Variants in ADGRV1 observed in about 807,000 individuals in gnomAD.
ADGRV1 encodes G-protein coupled receptor 98.
A neutral mutation model predicts 596.2 loss-of-function variants in ADGRV1; 359 were observed. The observed-to-expected ratio is 0.60, with a 90% CI of 0.55 to 0.66. The LOEUF is 0.66. ADGRV1 is among the 30% of genes least tolerant of loss of function. The pLI, the probability that ADGRV1 is intolerant of heterozygous loss-of-function variation, is 0.00. For synonymous variants in ADGRV1, 2,681 were observed against 2,679.2 expected (o/e 1.00, Z -0.02); for missense variants, 7,274 against 7,575.6 (o/e 0.96, Z 1.48).
intron 50 of ADGRV1, among the ~76,000 whole-genome samples, chr5:90,738,025 C>G (rs149742204): frequency 7.4e-4 from 113 of 151,738 alleles, no homozygotes; most frequent in Middle Eastern, 6.8e-3. Flanking sequence ...TGCTGTTTTC[C>G]TTTGTGGCTT....
Position 90,684,134 on chromosome 5 carries a change from C to T in ADGRV1, c.6213C>T (p.Ser2071=), listed in dbSNP as rs768200716. The T allele has an allele frequency of 5.0e-6, 8 of 1,613,600 alleles. No homozygotes were observed. The highest frequency in any genetic ancestry group is 4.0e-5 in the African/African-American group (3 of 74,860). ...SILDDDEPER[S]ESVFIELLNS... is the part of the protein sequence containing the mutation. ...TGGATGATGATGAGCCAGAAAGGTC[C>T]GAATCTGTCTTTATCGAACTACTCA... Residue 2071 remains serine (S), a synonymous_variant, in exon 28 of 90, where the codon TCC becomes TCT. Coordinates refer to ENST00000405460, the MANE Select transcript of ADGRV1 (RefSeq NM_032119.4).
Position 90,815,732 on chromosome 5 carries a change from A to C in ADGRV1, c.16192A>C (p.Asn5398His). ...GCACCTTATTGTCACAAGACAGCCA[A>C]ACAGGTATGTGTATATATAGTATAT... ...RLHLIVTRQP[N>H]RAFEDVKVFW... Residue 5398 changes from asparagine (N) to histidine (H), a missense_variant, in exon 75 of 90, where the codon AAC becomes CAC. Physicochemically the swap from Asn to His is moderately conservative, Grantham distance 68. This residue lies in a region of ADGRV1 where 1,874 missense variants were observed against 1,970.2 expected (regional missense o/e 0.95). Transcript: ENST00000405460. 1 of 1,485,358 alleles carries C rather than the reference A, an allele frequency of 6.7e-7. No homozygotes were observed. The highest frequency in any genetic ancestry group is 9.2e-7 in the Non-Finnish European group (1 of 1,082,444). 92.0% of individuals were successfully genotyped at this position (1,485,358 alleles called of 1,614,324 possible).
intron 87 of ADGRV1, among the ~76,000 whole-genome samples, 175 bp from the exon 88 acceptor site, chr5:91,149,855 A>G (rs908226803): frequency 6.7e-6 from 1 of 148,694 alleles, no homozygotes; most frequent in African/African-American, 2.5e-5. Flanking sequence ...AAAAAGAGAA[A>G]GAAAAAAAGA....
In ADGRV1 at chr5:90,852,382, T is replaced by C. The variant is rs186582726; in HGVS notation, c.17205-902T>C. On this transcript the variant is annotated intron_variant, in intron 79 of 89. Coordinates refer to ENST00000405460, the MANE Select transcript of ADGRV1 (RefSeq NM_032119.4). ...CATACTCTACATCTATTGTGACATA[T>C]ATAACTTTTAACATTTAATGCATAA... Among the ~76,000 whole-genome samples the C allele has an allele frequency of 9.1e-4, 138 of 152,326 alleles. 1 individual carries two copies. The highest frequency in any genetic ancestry group is 3.1e-3 in the African/African-American group (127 of 41,574).
chr5:91,163,917 C>T lies in ADGRV1; in HGVS notation c.*17C>T, dbSNP rs767529084. 3.3e-5 allele frequency: 37 copies of T among 1,130,070 alleles called. No homozygotes were observed. Among genetic ancestry groups the T allele is most frequent in the Admixed American group, 7.1e-5 (4 of 56,090 alleles). The allele number at this position is 1,130,070 out of a possible 1,614,324, so 70.0% of individuals were successfully genotyped here. A position where few individuals can be genotyped will look rare whatever the true frequency, so the allele number is the denominator to read the frequency against. On this transcript the variant is annotated 3_prime_UTR_variant, in exon 90 of 90. Transcript: ENST00000405460. ...CACCTGTAGCACCTCACTAACCATT[C>T]GACTGAGCACACTTTCATATTTGTA...
At chr5:90,997,073 T>C (rs1781478156) in intron 85 of ADGRV1, among the ~76,000 whole-genome samples, 2 of 152,188 alleles carry the variant, frequency 1.3e-5, no homozygotes, top group Non-Finnish European at 2.9e-5. Context: ...CTTGAACTTT[T>C]GAGTTAATGC....
In ADGRV1 at chr5:90,674,044, A is replaced by G. The variant is rs754917963; in HGVS notation, c.4930-10A>G. On this transcript the variant is annotated splice_polypyrimidine_tract_variant and intron_variant, in intron 22 of 89. Coordinates refer to ENST00000405460, the MANE Select transcript of ADGRV1 (RefSeq NM_032119.4). ...CATTGCTTAGTGCCTCTGGATATTT[A>G]TATTTTTAGGTTCTGAATATATATG... 4 of 1,592,592 alleles carry G rather than the reference A, an allele frequency of 2.5e-6. No homozygotes were observed. Among genetic ancestry groups the G allele is most frequent in the Non-Finnish European group, 3.4e-6 (4 of 1,164,408 alleles).
intron 21 of ADGRV1, among the ~76,000 whole-genome samples, chr5:90,659,951 G>A (rs1006905165): frequency 2.9e-4 from 44 of 151,994 alleles, no homozygotes; most frequent in Admixed American, 2.9e-3. Context: ...AGAATGGTGT[G>A]AACCCAGGAG....
chr5:90,684,596 G>A (rs956096519), intron 28 of ADGRV1, among the ~76,000 whole-genome samples: 1 of 152,090 alleles, frequency 6.6e-6, no homozygotes, highest in African/African-American at 2.4e-5. Context: ...CACGATTAAG[G>A]TGCCAGCAGA....
intron 37 of ADGRV1, 90 bp from the exon 38 acceptor site, chr5:90,706,141 G>A: frequency 9.1e-7 from 1 of 1,097,736 alleles, no homozygotes; most frequent in South Asian, 1.7e-5. Context: ...GCTACTAAAG[G>A]TGCTTTTAGG....
intron 85 of ADGRV1, among the ~76,000 whole-genome samples, chr5:91,035,861 T>TATATAATATATATAA: frequency 1.0e-5 from 1 of 96,402 alleles, no homozygotes; most frequent in African/African-American, 3.8e-5. Flanking sequence ...TATATATATA[T>TATATAATATATATAA]TATATATATA....
chr5:90,905,582 G>T (rs775035152), intron 83 of ADGRV1, among the ~76,000 whole-genome samples: 4 of 151,946 alleles, frequency 2.6e-5, no homozygotes, highest in Non-Finnish European at 5.9e-5. Context: ...TGATGATTTT[G>T]TACCCTTCAA....
chr5:91,054,071 TTGTGTGTGTGTGTG>T (rs769226492), intron 85 of ADGRV1, among the ~76,000 whole-genome samples: 1 of 133,060 alleles, frequency 7.5e-6, no homozygotes, highest in African/African-American at 2.9e-5. Context: ...CTGTGTGTGT[TTGTGTGTGTGTGTG>T]TGTGTGTGTG....
At chr5:90,793,974 G>A (rs1362778128) in intron 70 of ADGRV1, among the ~76,000 whole-genome samples, 1 of 152,168 alleles carries the variant, frequency 6.6e-6, no homozygotes, top group Non-Finnish European at 1.5e-5. Flanking sequence ...TTTGGGGAAA[G>A]GTGTGACATG....
At chr5:90,825,693 G>C (rs969186698) in intron 76 of ADGRV1, 2 of 152,174 alleles carry the variant, frequency 1.3e-5, no homozygotes, top group Non-Finnish European at 2.9e-5. Flanking sequence ...TATAGGTGGG[G>C]TTAGGGTAGA....
chr5:90,629,433 C>T lies in ADGRV1; in HGVS notation c.1733C>T (p.Ser578Leu). 1 of 1,613,576 alleles carries T rather than the reference C, an allele frequency of 6.2e-7. No individual in the cohort carries two copies. The highest frequency in any genetic ancestry group is 8.5e-7 in the Non-Finnish European group (1 of 1,179,734). Reference protein sequence around the residue: ...LQAKEGILNISRRNDLIFPEQ... With the variant: ...LQAKEGILNILRRNDLIFPEQ... ...GCAAAAGAAGGCATCTTAAATATAT[C>T]AAGGAGAAATGACCTCATTTTTCCA... Residue 578 changes from serine (S) to leucine (L), a missense_variant, in exon 9 of 90, where the codon TCA (serine) becomes TTA (leucine). This residue lies in a region of ADGRV1 where 1,715 missense variants were observed against 1,708.8 expected (regional missense o/e 1.00). Coordinates refer to ENST00000405460, the MANE Select transcript of ADGRV1 (RefSeq NM_032119.4).
At chr5:90,751,490 C>T (rs72782772) in intron 53 of ADGRV1, among the ~76,000 whole-genome samples, 1,005 of 152,052 alleles carry the variant, frequency 6.6e-3, no homozygotes, top group Middle Eastern at 0.024. Context: ...TCTGGGCAGA[C>T]GACGAGATTA....
At chr5:90,700,545 G>A (rs1475511267) in intron 34 of ADGRV1, among the ~76,000 whole-genome samples, 7 of 152,156 alleles carry the variant, frequency 4.6e-5, no homozygotes, top group African/African-American at 1.7e-4. Flanking sequence ...GGGTATAAAT[G>A]TGCTCTTTAT....
intron 71 of ADGRV1, among the ~76,000 whole-genome samples, chr5:90,804,772 T>G (rs1331554050): frequency 1.1e-4 from 16 of 152,054 alleles, no homozygotes; most frequent in Non-Finnish European, 1.8e-4. Context: ...TTGATGCTTG[T>G]GATAAAGATG....
Sources: gnomAD v4.1 joint callset for allele counts (sites outside exome capture counted in the v4.1 genomes callset) on GRCh38, gnomAD v4.1.1 for gene constraint, gnomAD v4.1.1 regional missense constraint, MANE v1.5 for transcripts, NCBI Gene and HGNC (gene_info 2026-07-23, HGNC 2026-07-21) for gene names.